TTLL1: variants seen among roughly 807,000 people sequenced by gnomAD.
The protein encoded by TTLL1 is TTL family tubulin polyglutamylase complex subunit L1, also known as polyglutamylase complex subunit TTLL1.
In TTLL1, 33 loss-of-function variants were observed where a neutral mutation model predicts 47.8. The observed-to-expected ratio is 0.69, with a 90% CI of 0.52 to 0.92. The LOEUF (loss-of-function observed/expected upper bound fraction) is 0.92. Ranked by LOEUF, TTLL1 falls within the 40% of genes least tolerant of loss-of-function variation. TTLL1 has a pLI of 0.00. For missense variants in TTLL1, 488 were observed against 547.5 expected (o/e 0.89, Z 1.08); for synonymous variants, 225 against 214.1 (o/e 1.05, Z -0.45).
chr22:43,085,000 C>T (rs1299163353), intron 1 of TTLL1, among the ~76,000 whole-genome samples: 1 of 133,326 alleles, frequency 7.5e-6, no homozygotes, highest in African/African-American at 3.0e-5. Flanking sequence ...TGGCATCTTG[C>T]TCTGTCGCCC....
chr22:43,054,250 C>T (rs931221871), intron 8 of TTLL1, among the ~76,000 whole-genome samples: 17 of 152,188 alleles, frequency 1.1e-4, no homozygotes, highest in East Asian at 3.8e-4. Flanking sequence ...ATGGGGCACT[C>T]GGCCCCTAAG....
intron 1 of TTLL1, among the ~76,000 whole-genome samples, chr22:43,081,672 C>A (rs965553576): frequency 5.3e-5 from 8 of 151,770 alleles, no homozygotes; most frequent in African/African-American, 1.9e-4. Context: ...CTCAGCCTCC[C>A]AAGTAGCTGG....
At chr22:43,063,077 C>A (rs1927487715) in intron 7 of TTLL1, among the ~76,000 whole-genome samples, 2 of 152,172 alleles carry the variant, frequency 1.3e-5, no homozygotes, top group African/African-American at 4.8e-5. Flanking sequence ...TTTCATACCA[C>A]TGGAAGCTTG....
intron 10 of TTLL1, 33 bp downstream of exon 10, chr22:43,046,377 G>A: frequency 1.2e-6 from 2 of 1,608,356 alleles, no homozygotes; most frequent in South Asian, 1.1e-5. Flanking sequence ...CGGAAACACA[G>A]AAGGACAAGC....
Position 43,055,981 on chromosome 22 carries a change from G to A in TTLL1, c.891+3403C>T, listed in dbSNP as rs1422355491. On this transcript the variant is annotated intron_variant, in intron 8 of 10. Coordinates refer to ENST00000266254, the MANE Select transcript of TTLL1 (RefSeq NM_012263.5). ...GCAGGTCTCGAATTCCTGGGTTCAA[G>A]CTATCCTCCTGCCTCTGCCTCCCTA... is the stretch of plus-strand genomic sequence containing the variant. Among the ~76,000 whole-genome samples the A allele has an allele frequency of 2.6e-5, 4 of 152,080 alleles. No individual in the cohort carries two copies. In the South Asian group the frequency reaches 8.3e-4, roughly 32 times the overall value.
rs1164501635 is a variant in TTLL1 at position 43,046,674 on chromosome 22, G to A, written c.979-101C>T. 11 of 1,408,548 alleles carry A rather than the reference G, an allele frequency of 7.8e-6. No individual in the cohort carries two copies. The Admixed American group carries it at 1.3e-4, about 16-fold the overall frequency. The allele number at this position is 1,408,548 out of a possible 1,614,324, so 87.3% of individuals were successfully genotyped here. On this transcript the variant is annotated intron_variant, in intron 9 of 10. Transcript: ENST00000266254. ...GATGCTGGCTGCTACACACTTTAGT[G>A]AAGTTTTTTTTTGAGACAGAGTTTC...
intron 8 of TTLL1, among the ~76,000 whole-genome samples, chr22:43,053,315 C>G (rs369817592): frequency 1.4e-3 from 219 of 152,348 alleles, no homozygotes; most frequent in African/African-American, 4.8e-3. Flanking sequence ...GGGAAGGAGA[C>G]AGCCTGGACC....
chr22:43,058,716 CAG>C (rs3047282), intron 8 of TTLL1, among the ~76,000 whole-genome samples: 33,685 of 150,978 alleles, frequency 0.22, 4,418 homozygotes, highest in Middle Eastern at 0.36. Context: ...GTTTTTGAGA[CAG>C]AGTTTCGCTC....
At chr22:43,063,780 T>C in intron 7 of TTLL1, 33 bp downstream of exon 7, 1 of 1,605,122 alleles carries the variant, frequency 6.2e-7, no homozygotes, top group East Asian at 2.2e-5. Context: ...AGTCAGTCCA[T>C]TTCTGTAAGC....
chr22:43,039,719 A>AG lies in TTLL1; in HGVS notation c.*56dup. ...CTCTACAAAAGGGAAATTTCAAAATAGGGCTTCAGCAGGGGCCCAGGTGGA... is the reference window on the plus strand; with the variant it reads ...CTCTACAAAAGGGAAATTTCAAAATAGGGGCTTCAGCAGGGGCCCAGGTGGA... On this transcript the variant is annotated 3_prime_UTR_variant, in exon 11 of 11. Transcript: ENST00000266254. The AG allele has an allele frequency of 6.7e-7, 1 of 1,500,442 alleles. No homozygotes were observed. The highest frequency in any genetic ancestry group is 8.9e-7 in the Non-Finnish European group (1 of 1,121,508). 92.9% of individuals were successfully genotyped at this position (1,500,442 alleles called of 1,614,324 possible). A position where few individuals can be genotyped will look rare whatever the true frequency, so the allele number is the denominator to read the frequency against.
At chr22:43,040,666 G>A (rs1452892214) in intron 10 of TTLL1, among the ~76,000 whole-genome samples, 3 of 152,252 alleles carry the variant, frequency 2.0e-5, no homozygotes, top group African/African-American at 4.8e-5. Context: ...GGCTGGTCTC[G>A]AACTCCTGAC....
chr22:43,042,898 T>A (rs1925799708), intron 10 of TTLL1, among the ~76,000 whole-genome samples: 1 of 151,482 alleles, frequency 6.6e-6, no homozygotes, highest in Admixed American at 6.6e-5. Flanking sequence ...TGTTGTCTCT[T>A]CAACTAAAAG....
At chr22:43,056,276 T>C (rs1383293097) in intron 8 of TTLL1, among the ~76,000 whole-genome samples, 1 of 151,274 alleles carries the variant, frequency 6.6e-6, no homozygotes, top group East Asian at 2.0e-4. Context: ...AGAGAATTGC[T>C]TGAACCTGGG....
At position 43,046,427 on chromosome 22, in the gene TTLL1, G is replaced by A. The variant is rs373363791; in HGVS notation, c.1125C>T (p.Leu375=). 35 of 1,613,874 alleles carry A rather than the reference G, an allele frequency of 2.2e-5. No individual in the cohort carries two copies. Among genetic ancestry groups the A allele is most frequent in the Middle Eastern group, 3.3e-4 (2 of 6,084 alleles). Residue 375 remains leucine (L), a synonymous_variant, in exon 10 of 11, where the codon CTC becomes CTT. Coordinates refer to ENST00000266254, the MANE Select transcript of TTLL1 (RefSeq NM_012263.5). ...KWNKSPPKEV[L]GNYEILYDEE... Reference sequence around the variant, plus strand: ...ACACTTACAGAATCTCGTAATTGCCGAGGACTTCCTTAGGTGGCGACTTGT... The same window carrying A: ...ACACTTACAGAATCTCGTAATTGCCAAGGACTTCCTTAGGTGGCGACTTGT...
chr22:43,051,541 C>T (rs1926620895), intron 9 of TTLL1, among the ~76,000 whole-genome samples: 1 of 151,986 alleles, frequency 6.6e-6, no homozygotes, highest in Non-Finnish European at 1.5e-5. Context: ...AGCCCAGATG[C>T]ACCCTGGAGG....
chr22:43,055,116 C>A (rs1016533247), intron 8 of TTLL1, among the ~76,000 whole-genome samples: 1 of 151,484 alleles, frequency 6.6e-6, no homozygotes, highest in Non-Finnish European at 1.5e-5. Flanking sequence ...CTCTACCTCC[C>A]GGGTTCAAGC....
chr22:43,040,495 G>A (rs1449784550), intron 10 of TTLL1, among the ~76,000 whole-genome samples: 1 of 152,096 alleles, frequency 6.6e-6, no homozygotes, highest in Non-Finnish European at 1.5e-5. Flanking sequence ...ACCAAGGCTG[G>A]TATACAGTGG....
intron 10 of TTLL1, among the ~76,000 whole-genome samples, chr22:43,042,161 C>G (rs2146955091): frequency 6.6e-6 from 1 of 152,332 alleles, no homozygotes; most frequent in Non-Finnish European, 1.5e-5. Context: ...TGGTTCGTGG[C>G]TGCCCCCAGC....
At chr22:43,072,444 G>A (rs183520422) in intron 3 of TTLL1, among the ~76,000 whole-genome samples, 257 of 151,942 alleles carry the variant, frequency 1.7e-3, no homozygotes, top group Non-Finnish European at 2.9e-3. Context: ...GTGAGCCACC[G>A]CGCCTGGCCA....
Sources: gnomAD v4.1 joint callset for allele counts (sites outside exome capture counted in the v4.1 genomes callset) on GRCh38, gnomAD v4.1.1 for gene constraint, MANE v1.5 for transcripts, NCBI Gene and HGNC (gene_info 2026-07-23, HGNC 2026-07-21) for gene names.